ENTREP2: variants seen among roughly 807,000 people sequenced by gnomAD.
ENTREP2 encodes the protein endosomal transmembrane epsin interactor 2, also known as protein ENTREP2.
chr15:29,579,364 G>A, the ENTREP2 span, among the ~76,000 whole-genome samples: 12 of 152,242 alleles, frequency 7.9e-5, no homozygotes, highest in South Asian at 2.1e-4. Flanking sequence ...TTGCTGAGAC[G>A]TAATTCTTAT....
the ENTREP2 span, among the ~76,000 whole-genome samples, chr15:29,578,015 T>A: frequency 6.6e-6 from 1 of 152,306 alleles, no homozygotes; most frequent in African/African-American, 2.4e-5. Flanking sequence ...GTGGTGCTAC[T>A]TGCACAACTA....
chr15:29,197,611 C>G, the ENTREP2 span, among the ~76,000 whole-genome samples: 10 of 152,050 alleles, frequency 6.6e-5, no homozygotes, highest in African/African-American at 1.7e-4. Flanking sequence ...ACTAAAAATA[C>G]AAAAATTAGC....
At chr15:29,508,076 G>T in the ENTREP2 span, among the ~76,000 whole-genome samples, 1 of 152,102 alleles carries the variant, frequency 6.6e-6, no homozygotes, top group Non-Finnish European at 1.5e-5. Flanking sequence ...GATTACCACT[G>T]ACCCCACAGA....
the ENTREP2 span, among the ~76,000 whole-genome samples, chr15:29,517,223 G>C: frequency 1.3e-5 from 2 of 152,118 alleles, no homozygotes; most frequent in African/African-American, 4.8e-5. Flanking sequence ...ATCTAGCCAC[G>C]GGAGGGAAAT....
the ENTREP2 span, among the ~76,000 whole-genome samples, chr15:29,631,676 C>G: frequency 1.3e-5 from 2 of 152,238 alleles, no homozygotes; most frequent in Non-Finnish European, 2.9e-5. Context: ...GAATCATTTT[C>G]TCCAGCTTTT....
chr15:29,202,102 T>G, the ENTREP2 span, among the ~76,000 whole-genome samples: 1,696 of 152,324 alleles, frequency 0.011, 15 homozygotes, highest in African/African-American at 0.023. Context: ...TGATGTCTGC[T>G]GGGTCTGTAG....
the ENTREP2 span, among the ~76,000 whole-genome samples, chr15:29,505,839 CA>C: frequency 2.0e-5 from 3 of 151,990 alleles, no homozygotes; most frequent in Non-Finnish European, 4.4e-5. The surrounding 1 kb of genome is among the most constrained non-coding windows in gnomAD (Gnocchi z 4.3). Flanking sequence ...TTCCAAAAAC[CA>C]GAATGCCCCT....
At chr15:29,225,031 G>A in the ENTREP2 span, among the ~76,000 whole-genome samples, 520 of 152,292 alleles carry the variant, frequency 3.4e-3, 4 homozygotes, top group African/African-American at 0.012. Context: ...CGGGCTGGCC[G>A]GCCGCTCTGA....
chr15:29,444,539 T>G, the ENTREP2 span, among the ~76,000 whole-genome samples: 1 of 151,602 alleles, frequency 6.6e-6, no homozygotes, highest in African/African-American at 2.4e-5. Context: ...TGATCTCAGC[T>G]CACTGCAAAC....
At chr15:29,484,567 ACG>A in the ENTREP2 span, among the ~76,000 whole-genome samples, 1 of 152,200 alleles carries the variant, frequency 6.6e-6, no homozygotes, top group Non-Finnish European at 1.5e-5. Context: ...ACACACACAC[ACG>A]CACAGACTCT....
At chr15:29,328,168 A>G in the ENTREP2 span, among the ~76,000 whole-genome samples, 11 of 152,356 alleles carry the variant, frequency 7.2e-5, 1 homozygote, top group Middle Eastern at 3.4e-3. Flanking sequence ...GCTATGTGAA[A>G]TAAGTGAATC....
At chr15:29,301,017 T>C in the ENTREP2 span, among the ~76,000 whole-genome samples, 1 of 152,244 alleles carries the variant, frequency 6.6e-6, no homozygotes, top group African/African-American at 2.4e-5. Context: ...CTATTCATAA[T>C]GGAAGTTCTA....
the ENTREP2 span, among the ~76,000 whole-genome samples, chr15:29,472,428 A>AACACAC: frequency 0.19 from 26,853 of 140,432 alleles, 2,550 homozygotes; most frequent in East Asian, 0.27. Context: ...CACAACACAC[A>AACACAC]ACACACACAC....
At chr15:29,488,455 G>T in the ENTREP2 span, among the ~76,000 whole-genome samples, 6 of 152,094 alleles carry the variant, frequency 3.9e-5, no homozygotes, top group African/African-American at 7.2e-5. Flanking sequence ...GTACATAACA[G>T]GAATCCCAGA....
the ENTREP2 span, among the ~76,000 whole-genome samples, chr15:29,194,871 A>T: frequency 1.3e-5 from 2 of 152,172 alleles, no homozygotes; most frequent in African/African-American, 4.8e-5. Flanking sequence ...CAACCAGCCA[A>T]CTGAGGAACG....
chr15:29,439,945 G>A, the ENTREP2 span, among the ~76,000 whole-genome samples: 1 of 152,120 alleles, frequency 6.6e-6, no homozygotes, highest in Non-Finnish European at 1.5e-5. Flanking sequence ...TGTGATGAGG[G>A]GGGTACCTTA....
the ENTREP2 span, among the ~76,000 whole-genome samples, chr15:29,142,029 G>T: frequency 6.6e-6 from 1 of 152,190 alleles, no homozygotes; most frequent in Admixed American, 6.5e-5. Context: ...GAATGCTTTG[G>T]AAAGACTCAA....
chr15:29,239,528 C>T, the ENTREP2 span, among the ~76,000 whole-genome samples: 1 of 152,116 alleles, frequency 6.6e-6, no homozygotes, highest in Non-Finnish European at 1.5e-5. Context: ...ATATGTGTAT[C>T]CAGAAAGCCT....
At chr15:29,563,823 C>T in the ENTREP2 span, among the ~76,000 whole-genome samples, 4 of 141,396 alleles carry the variant, frequency 2.8e-5, no homozygotes, top group Admixed American at 7.1e-5. Flanking sequence ...AGCAACACAG[C>T]GAGACTCTGC....
Sources: gnomAD v4.1 joint callset for allele counts (sites outside exome capture counted in the v4.1 genomes callset) on GRCh38, gnomAD v4.1.1 for gene constraint, Gnocchi (gnomAD v3.1) non-coding constraint, MANE v1.5 for transcripts, NCBI Gene and HGNC (gene_info 2026-07-23, HGNC 2026-07-21) for gene names.